The following ICA1 variants were observed in gnomAD, a reference collection of about 807,000 sequenced individuals.
ICA1 encodes 69 kDa islet cell autoantigen.
In ICA1, 40 loss-of-function variants were observed where a neutral mutation model predicts 71.0. The observed-to-expected ratio is 0.56, with a 90% CI of 0.44 to 0.73. The LOEUF is 0.73. Ranked by LOEUF, ICA1 falls within the 30% of genes least tolerant of loss-of-function variation. The probability of loss-of-function intolerance (pLI) is 0.00; values close to 1 mark genes in which losing one functional copy is unlikely to be tolerated. For missense variants in ICA1, 578 were observed against 576.5 expected (o/e 1.00, Z -0.03); for synonymous variants, 207 against 209.5 (o/e 0.99, Z 0.10).
At chr7:8,141,955 A>G in intron 9 of ICA1, 138 bp from the exon 10 acceptor site, 1 of 1,490,808 alleles carries the variant, frequency 6.7e-7, no homozygotes, top group South Asian at 1.2e-5. Context: ...AAGGGTCAAC[A>G]TATAGTCATT....
chr7:8,137,093 G>C (rs34343914), intron 12 of ICA1, among the ~76,000 whole-genome samples: 5 of 149,986 alleles, frequency 3.3e-5, no homozygotes, highest in African/African-American at 1.2e-4. Context: ...ATACAGACTC[G>C]TATTTGCTGT....
chr7:8,142,980 G>A (rs1795727070), intron 9 of ICA1, among the ~76,000 whole-genome samples: 4 of 152,180 alleles, frequency 2.6e-5, no homozygotes, highest in Admixed American at 6.5e-5. Context: ...TTTCCTGTGG[G>A]ACAAAAAATA....
intron 6 of ICA1, among the ~76,000 whole-genome samples, chr7:8,171,073 T>C (rs921109347): frequency 6.6e-6 from 1 of 151,988 alleles, no homozygotes; most frequent in Non-Finnish European, 1.5e-5. Flanking sequence ...TTCTTGTCTA[T>C]GTTCATGAAG....
intron 6 of ICA1, among the ~76,000 whole-genome samples, chr7:8,206,733 G>GAAAAAAAAAAA (rs60704635): frequency 1.5e-5 from 2 of 135,612 alleles, no homozygotes; most frequent in African/African-American, 3.2e-5. Flanking sequence ...GGTTTAAAAT[G>GAAAAAAAAAAA]AAAAAAAAAA....
intron 13 of ICA1, among the ~76,000 whole-genome samples, chr7:8,122,164 G>A (rs1787234740): frequency 6.6e-6 from 1 of 152,166 alleles, no homozygotes; most frequent in Non-Finnish European, 1.5e-5. Context: ...CCCCATGGTG[G>A]GGACAGACGG....
At chr7:8,146,521 T>C (rs1796958265) in intron 8 of ICA1, among the ~76,000 whole-genome samples, 1 of 152,102 alleles carries the variant, frequency 6.6e-6, no homozygotes, top group African/African-American at 2.4e-5. Context: ...TTTTGTTCCA[T>C]CATCATCTTT....
intron 6 of ICA1, among the ~76,000 whole-genome samples, chr7:8,182,739 T>A (rs1472455016): frequency 6.6e-6 from 1 of 152,244 alleles, no homozygotes; most frequent in Non-Finnish European, 1.5e-5. Context: ...ATTTTGTCTT[T>A]TAAAAACTTT....
intron 1 of ICA1, among the ~76,000 whole-genome samples, chr7:8,253,040 A>C (rs541991700): frequency 3.2e-4 from 48 of 152,160 alleles, no homozygotes; most frequent in Non-Finnish European, 1.0e-4. Context: ...TTTTAAGCCA[A>C]AAATATTTTA....
chr7:8,225,857 T>C (rs1480045296), intron 4 of ICA1, among the ~76,000 whole-genome samples: 1 of 152,208 alleles, frequency 6.6e-6, no homozygotes. Flanking sequence ...TCTATTCAAC[T>C]TCAATATTTG....
chr7:8,136,031 C>T (rs1793285944), intron 12 of ICA1, among the ~76,000 whole-genome samples: 3 of 152,188 alleles, frequency 2.0e-5, no homozygotes, highest in Admixed American at 2.0e-4. Context: ...TTTCACGTGT[C>T]TCAAAATGTC....
Position 8,123,464 on chromosome 7 carries a change from G to A in ICA1, c.1330+4409C>T, listed in dbSNP as rs936207962. On this transcript the variant is annotated intron_variant, in intron 13 of 13. Coordinates refer to ENST00000402384, the MANE Select transcript of ICA1 (RefSeq NM_001136020.3). This position sits in a 1 kb window ranked among gnomAD's most constrained non-coding sequence, Gnocchi z 4.1. ...CCAGAGCTTGCACTTCAGTCCTGGT[G>A]CCTGTCCCCGAGGACTCGGTGCCCC... Among the ~76,000 whole-genome samples, 1 of 152,196 alleles carries A rather than the reference G, an allele frequency of 6.6e-6. No homozygotes were observed. The highest frequency in any genetic ancestry group is 2.4e-5 in the African/African-American group (1 of 41,444).
At position 8,144,638 on chromosome 7, in the gene ICA1, G is replaced by GTTT. The variant is rs77272207; in HGVS notation, c.805-669_805-667dup. Among the ~76,000 whole-genome samples the GTTT allele has an allele frequency of 6.7e-6, 1 of 149,712 alleles. No homozygotes were observed. Among genetic ancestry groups the GTTT allele is most frequent in the Non-Finnish European group, 1.5e-5 (1 of 67,380 alleles). On this transcript the variant is annotated intron_variant, in intron 8 of 13. Coordinates refer to ENST00000402384, the MANE Select transcript of ICA1 (RefSeq NM_001136020.3). This position sits in a 1 kb window ranked among gnomAD's most constrained non-coding sequence, Gnocchi z 4.5. ...TTTTCAAGGTTAACTAAATATTTAA[G>GTTT]TTTTTTTTTTTAAACAGCAAGTGCC...
At chr7:8,156,864 G>C (rs914873566) in intron 8 of ICA1, 1 of 1,509,442 alleles carries the variant, frequency 6.6e-7, no homozygotes, top group Admixed American at 2.5e-5. Flanking sequence ...TGTATCTCAA[G>C]GTTCAAGGTT....
At chr7:8,183,570 CTT>C (rs1334483442) in intron 6 of ICA1, among the ~76,000 whole-genome samples, 1 of 152,188 alleles carries the variant, frequency 6.6e-6, no homozygotes, top group African/African-American at 2.4e-5. Flanking sequence ...GGCTAGAAGA[CTT>C]GGGCTATGCC....
chr7:8,160,187 A>G (rs1341105677), intron 6 of ICA1, among the ~76,000 whole-genome samples: 4 of 152,204 alleles, frequency 2.6e-5, no homozygotes, highest in African/African-American at 4.8e-5. Flanking sequence ...TTAAGAAGTG[A>G]TGATTTTATT....
chr7:8,253,596 T>A (rs1808965074), intron 1 of ICA1, among the ~76,000 whole-genome samples: 1 of 151,910 alleles, frequency 6.6e-6, no homozygotes, highest in Admixed American at 6.6e-5. Flanking sequence ...AAATAGAAAA[T>A]ATATCTTCTA....
rs778543257 is a variant in ICA1, at chr7:8,228,630, G to C, written c.227C>G (p.Ala76Gly). Reference protein sequence around the residue: ...IQRTCLDLSKAIVLYQKRICF... With the variant: ...IQRTCLDLSKGIVLYQKRICF... ...TATCCTCTTTTGATAGAGTACAATT[G>C]CTTTCGATAAGTCCAGACAGGTTCT... is the stretch of plus-strand genomic sequence containing the variant. The change falls in exon 4 of 14, where the codon GCA (alanine) becomes GGA (glycine). Residue 76 changes from alanine to glycine, a missense_variant. By Grantham distance (60) the Ala-to-Gly change is moderately conservative (BLOSUM62 0). Coordinates refer to ENST00000402384, the MANE Select transcript of ICA1 (RefSeq NM_001136020.3). 1.9e-6 allele frequency: 3 copies of C among 1,599,822 alleles called. No homozygotes were observed. Among genetic ancestry groups the C allele is most frequent in the Non-Finnish European group, 2.6e-6 (3 of 1,172,552 alleles).
intron 1 of ICA1, among the ~76,000 whole-genome samples, chr7:8,240,762 G>A (rs368098020): frequency 2.0e-5 from 3 of 152,114 alleles, no homozygotes; most frequent in Non-Finnish European, 4.4e-5. Flanking sequence ...ACTACGTGAC[G>A]CATTTACAAG....
At chr7:8,152,900 T>TCTTCCACCACTACCACC (rs1562706066) in intron 8 of ICA1, among the ~76,000 whole-genome samples, 1 of 16,882 alleles carries the variant, frequency 5.9e-5, no homozygotes, top group South Asian at 2.5e-3. Context: ...CTACCACCAT[T>TCTTCCACCACTACCACC]ATCTCCTTCA....
Sources: gnomAD v4.1 joint callset for allele counts (sites outside exome capture counted in the v4.1 genomes callset) on GRCh38, gnomAD v4.1.1 for gene constraint, Gnocchi (gnomAD v3.1) non-coding constraint, MANE v1.5 for transcripts, NCBI Gene and HGNC (gene_info 2026-07-23, HGNC 2026-07-21) for gene names.